Variants in IGF2R observed in about 807,000 individuals in gnomAD.
IGF2R encodes the protein insulin like growth factor 2 receptor.
A neutral mutation model predicts 270.6 loss-of-function variants in IGF2R; 91 were observed. That is an observed-to-expected ratio of 0.34 (90% CI 0.28 to 0.40). The LOEUF (loss-of-function observed/expected upper bound fraction) is 0.40, where lower values mean the gene tolerates loss of function less well. IGF2R is among the 10% of genes least tolerant of loss of function. The pLI is 1.00. For missense variants in IGF2R, 2,805 were observed against 3,188.3 expected (o/e 0.88, Z 2.90); for synonymous variants, 1,316 against 1,258.9 (o/e 1.05, Z -0.96).
chr6:160,067,293 A>G (rs1409668254), intron 29 of IGF2R, among the ~76,000 whole-genome samples: 2 of 151,164 alleles, frequency 1.3e-5, no homozygotes, highest in African/African-American at 4.9e-5. Context: ...TTTCTCTCAG[A>G]GTCTATTCAC....
chr6:160,000,728 GTTTTTT>G (rs59215791), intron 2 of IGF2R, among the ~76,000 whole-genome samples: 16 of 69,948 alleles, frequency 2.3e-4, no homozygotes, highest in African/African-American at 9.0e-4. Flanking sequence ...GTGTGAGGTT[GTTTTTT>G]TTTTTTTTTT....
At chr6:159,975,286 CA>C (rs1181551550) in intron 1 of IGF2R, among the ~76,000 whole-genome samples, 2 of 152,160 alleles carry the variant, frequency 1.3e-5, no homozygotes, top group Non-Finnish European at 2.9e-5. Flanking sequence ...GAGGATATTA[CA>C]AGGGATACGG....
At chr6:160,072,506 A>C (rs768713208) in intron 32 of IGF2R, among the ~76,000 whole-genome samples, 2 of 152,198 alleles carry the variant, frequency 1.3e-5, no homozygotes, top group Non-Finnish European at 2.9e-5. Context: ...CCAGACTCTT[A>C]GTGGCTGCTG....
intron 17 of IGF2R, 127 bp from the exon 18 acceptor site, chr6:160,048,248 C>A: frequency 1.1e-6 from 1 of 910,706 alleles, no homozygotes. Context: ...GACAAGCCAA[C>A]TCCTGGTAGT....
At chr6:160,085,456 A>G (rs1163726714) in intron 41 of IGF2R, among the ~76,000 whole-genome samples, 3 of 152,204 alleles carry the variant, frequency 2.0e-5, no homozygotes, top group Admixed American at 1.3e-4. Context: ...AAGTGCCTAA[A>G]TTGGCATAAA....
intron 1 of IGF2R, among the ~76,000 whole-genome samples, chr6:159,975,211 G>C (rs1783671144): frequency 6.6e-6 from 1 of 152,174 alleles, no homozygotes. Context: ...GTGCCTCTTT[G>C]GGTCTGATTA....
intron 1 of IGF2R, among the ~76,000 whole-genome samples, chr6:159,986,432 T>TG (rs1562333027): frequency 0.032 from 1,602 of 49,828 alleles, 7 homozygotes; most frequent in Admixed American, 0.039. Flanking sequence ...GTGTGTGTGT[T>TG]TTTTTTTTTT....
chr6:160,029,760 C>T (rs935737396), intron 7 of IGF2R, 105 bp downstream of exon 7: 2 of 734,948 alleles, frequency 2.7e-6, no homozygotes, highest in Non-Finnish European at 4.7e-6. Flanking sequence ...ATGCAGGAAG[C>T]TGGGAGCCAT....
chr6:160,081,111 G>A (rs1778971873), intron 39 of IGF2R, among the ~76,000 whole-genome samples: 1 of 147,228 alleles, frequency 6.8e-6, no homozygotes, highest in African/African-American at 2.5e-5. Context: ...GGGTGACAGA[G>A]TGAGACTCGG....
rs117963566 is a variant in IGF2R, at chr6:160,035,001, G to A, written c.1315+479G>A. ...GTCACTGGGTGCATTGAAGCTGAAG[G>A]CGTGCATTTCTCTGAGTAATGAGAA... On this transcript the variant is annotated intron_variant, in intron 10 of 47. Coordinates refer to ENST00000356956, the MANE Select transcript of IGF2R (RefSeq NM_000876.4). Among the ~76,000 whole-genome samples the A allele has an allele frequency of 2.5e-3, 378 of 152,260 alleles. 1 individual carries two copies. Among genetic ancestry groups the A allele is most frequent in the South Asian group, 8.5e-3 (41 of 4,826 alleles).
At chr6:160,038,226 AGG>A (rs1024898585) in intron 10 of IGF2R, among the ~76,000 whole-genome samples, 1 of 152,176 alleles carries the variant, frequency 6.6e-6, no homozygotes, top group Non-Finnish European at 1.5e-5. Context: ...TGTGTGAGTG[AGG>A]GAGAGATTGT....
intron 1 of IGF2R, among the ~76,000 whole-genome samples, chr6:159,980,180 C>CAA (rs1203923958): frequency 1.1e-5 from 1 of 87,326 alleles, no homozygotes; most frequent in Non-Finnish European, 2.4e-5. Context: ...GACTCCGTCT[C>CAA]AAAAAAGAAA....
rs537735278 is a variant in IGF2R, at chr6:160,081,682, G to A, written c.5833+1407G>A. Among the ~76,000 whole-genome samples the A allele has an allele frequency of 6.6e-5, 10 of 152,282 alleles. No homozygotes were observed. In the South Asian group the frequency reaches 1.7e-3, roughly 25 times the overall value. ...CCCCTAGAGTGGCCATTTAAGAGGC[G>A]CCCCTGCCTTCCTCCCGGGAATGCA... On this transcript the variant is annotated intron_variant, in intron 39 of 47. Transcript: ENST00000356956.
intron 4 of IGF2R, among the ~76,000 whole-genome samples, chr6:160,022,207 G>A (rs1777454087): frequency 6.6e-6 from 1 of 152,190 alleles, no homozygotes; most frequent in Non-Finnish European, 1.5e-5. Flanking sequence ...TGGACATAGA[G>A]ACTGGAATAA....
Position 160,032,957 on chromosome 6 carries a change from C to T in IGF2R, c.1061C>T (p.Ser354Leu). 1 of 1,597,546 alleles carries T rather than the reference C, an allele frequency of 6.3e-7. No individual in the cohort carries two copies. The highest frequency in any genetic ancestry group is 8.6e-7 in the Non-Finnish European group (1 of 1,165,602). Residue 354 changes from serine to leucine, a missense_variant, in exon 9 of 48, where the codon TCA (serine) becomes TTA (leucine). Physicochemically the swap from Ser to Leu is moderately radical, Grantham distance 145. This residue lies in a region of IGF2R where 954 missense variants were observed against 981.1 expected (regional missense o/e 0.97). Transcript: ENST00000356956. ...LAQSGGSSYI[S>L]DGKEYLFYLN... ...CTGTTTTTAGGTTCATCCTATATTT[C>T]AGATGGAAAAGAATATTTGTTTTAT...
At chr6:160,098,460 G>T (rs1397111049) in intron 45 of IGF2R, among the ~76,000 whole-genome samples, 2 of 152,138 alleles carry the variant, frequency 1.3e-5, no homozygotes, top group East Asian at 1.9e-4. Flanking sequence ...CCACCCGGGG[G>T]TGACGTGGAA....
chr6:159,985,399 C>T (rs1783865915), intron 1 of IGF2R, among the ~76,000 whole-genome samples: 1 of 152,230 alleles, frequency 6.6e-6, no homozygotes, highest in East Asian at 1.9e-4. Context: ...CATTCTGAGC[C>T]TTGGGATATT....
At position 160,102,179 on chromosome 6, in the gene IGF2R, G is replaced by T. The variant is rs1779501603; in HGVS notation, c.6843-340G>T. ...AGTGTGGTGCTTCGGGACAGCCTCT[G>T]CCCCAGCCTAGTCCTGCCGTGGATT... On this transcript the variant is annotated intron_variant, in intron 45 of 47. Transcript: ENST00000356956. The surrounding 1 kb of genome is among the most constrained non-coding windows in gnomAD (Gnocchi z 4.5). Among the ~76,000 whole-genome samples the T allele has an allele frequency of 6.6e-6, 1 of 152,216 alleles. No individual in the cohort carries two copies. The highest frequency in any genetic ancestry group is 2.4e-5 in the African/African-American group (1 of 41,456).
At chr6:160,086,445 C>T (rs1317890573) in intron 41 of IGF2R, among the ~76,000 whole-genome samples, 1 of 152,140 alleles carries the variant, frequency 6.6e-6, no homozygotes, top group Non-Finnish European at 1.5e-5. Context: ...TTTTTGTTTT[C>T]AGAACCAACA....
Sources: allele counts gnomAD v4.1 joint callset (sites outside exome capture counted in the v4.1 genomes callset), GRCh38; gene constraint gnomAD v4.1.1; regional missense constraint gnomAD v4.1.1; non-coding constraint Gnocchi (gnomAD v3.1); transcripts MANE v1.5; gene names NCBI Gene and HGNC (gene_info 2026-07-23, HGNC 2026-07-21).